PDK1: variants seen among roughly 807,000 people sequenced by gnomAD.
PDK1 encodes [Pyruvate dehydrogenase (acetyl-transferring)] kinase isozyme 1, mitochondrial.
A neutral mutation model predicts 54.2 loss-of-function variants in PDK1; 39 were observed. The observed-to-expected ratio is 0.72, with a 90% CI of 0.56 to 0.94. The LOEUF (loss-of-function observed/expected upper bound fraction) is 0.94. Among genes scored for constraint, PDK1 ranks in the 40% least tolerant of loss-of-function variants. The pLI is 0.00. For missense variants in PDK1, 552 were observed against 566.0 expected (o/e 0.98, Z 0.25); for synonymous variants, 221 against 207.1 (o/e 1.07, Z -0.58).
chr2:172,556,432 C>G (rs1002568348), intron 1 of PDK1, 86 bp downstream of exon 1: 5 of 993,342 alleles, frequency 5.0e-6, no homozygotes, highest in African/African-American at 1.7e-5. Flanking sequence ...TCGGCGCCGG[C>G]CAGCTCTCGC....
At chr2:172,624,369 T>C in the PDK1 span, among the ~76,000 whole-genome samples, 16 of 152,088 alleles carry the variant, frequency 1.1e-4, no homozygotes, top group Admixed American at 5.9e-4. Flanking sequence ...CTGCCTAAGC[T>C]CTGCCTCCTA....
downstream of PDK1, among the ~76,000 whole-genome samples, chr2:172,610,425 G>T (rs553062265): frequency 9.1e-4 from 138 of 152,084 alleles, 1 homozygote; most frequent in Admixed American, 9.0e-3. Flanking sequence ...ATGGTGGGGG[G>T]GCTCCTCCCT....
the PDK1 span, among the ~76,000 whole-genome samples, chr2:172,616,964 T>C: frequency 2.6e-5 from 4 of 152,180 alleles, no homozygotes; most frequent in African/African-American, 9.6e-5. Context: ...ATTTTATTTA[T>C]TTTTGGACAG....
chr2:172,709,091 G>A, the PDK1 span, among the ~76,000 whole-genome samples: 6 of 152,144 alleles, frequency 3.9e-5, no homozygotes, highest in South Asian at 2.1e-4. Context: ...ACCTTTGCAG[G>A]TATAATGATG....
the PDK1 span, among the ~76,000 whole-genome samples, chr2:172,669,290 G>T: frequency 6.6e-6 from 1 of 151,552 alleles, no homozygotes. Context: ...CCTGTGATCC[G>T]CCCGCCTTGG....
At chr2:172,632,167 T>C in the PDK1 span, among the ~76,000 whole-genome samples, 2 of 151,894 alleles carry the variant, frequency 1.3e-5, no homozygotes, top group African/African-American at 4.8e-5. Context: ...ATAGGGAGGC[T>C]GAGGCAGGAG....
At chr2:172,571,834 T>G (rs1689282211) in intron 8 of PDK1, among the ~76,000 whole-genome samples, 2 of 133,578 alleles carry the variant, frequency 1.5e-5, no homozygotes, top group African/African-American at 5.7e-5. Context: ...TTTTTTTTTT[T>G]TTTTTTTTTT....
the PDK1 span, among the ~76,000 whole-genome samples, chr2:172,634,772 CAAA>C: frequency 3.0e-3 from 385 of 129,656 alleles, 1 homozygote; most frequent in East Asian, 6.3e-3. Flanking sequence ...TCTTAAAATG[CAAA>C]AAAAAAAAAA....
chr2:172,579,490 C>G (rs946792675), intron 8 of PDK1, among the ~76,000 whole-genome samples: 2 of 148,182 alleles, frequency 1.3e-5, no homozygotes, highest in Non-Finnish European at 3.0e-5. Flanking sequence ...AAAGTAGATT[C>G]TAAATGATTT....
chr2:172,573,527 A>G (rs1298600651), intron 8 of PDK1, among the ~76,000 whole-genome samples: 1 of 151,312 alleles, frequency 6.6e-6, no homozygotes, highest in Non-Finnish European at 1.5e-5. Context: ...ACACACATAC[A>G]TATACATATA....
chr2:172,664,587 C>A, the PDK1 span, among the ~76,000 whole-genome samples: 1 of 152,002 alleles, frequency 6.6e-6, no homozygotes, highest in East Asian at 1.9e-4. Context: ...ATAAAGTTAT[C>A]TTGAATTATA....
At chr2:172,559,263 A>G (rs2149188978) in intron 2 of PDK1, among the ~76,000 whole-genome samples, 1 of 152,250 alleles carries the variant, frequency 6.6e-6, no homozygotes, top group African/African-American at 2.4e-5. Flanking sequence ...TTAAGGTAGT[A>G]GCAGTATTCT....
chr2:172,589,109 T>C (rs1271094470), intron 9 of PDK1, among the ~76,000 whole-genome samples: 1 of 152,162 alleles, frequency 6.6e-6, no homozygotes, highest in Non-Finnish European at 1.5e-5. Context: ...GGGGAAGCCC[T>C]ATGAGTCAGC....
At chr2:172,702,861 T>C in the PDK1 span, among the ~76,000 whole-genome samples, 1 of 152,336 alleles carries the variant, frequency 6.6e-6, no homozygotes, top group South Asian at 2.1e-4. Context: ...CTCTTGGCAA[T>C]ACCTTTTCTG....
the PDK1 span, among the ~76,000 whole-genome samples, chr2:172,693,222 T>C: frequency 6.6e-6 from 1 of 152,264 alleles, no homozygotes; most frequent in Admixed American, 6.5e-5. Context: ...AGTCAGAATG[T>C]CCATATGCCC....
intron 1 of PDK1, among the ~76,000 whole-genome samples, chr2:172,557,220 G>C (rs1489288022): frequency 6.6e-6 from 1 of 152,206 alleles, no homozygotes; most frequent in African/African-American, 2.4e-5. Context: ...AATGACCCTA[G>C]TTCGAGGAAG....
intron 9 of PDK1, among the ~76,000 whole-genome samples, chr2:172,589,235 C>T (rs551820573): frequency 6.6e-6 from 1 of 152,316 alleles, no homozygotes; most frequent in South Asian, 2.1e-4. Flanking sequence ...TAATGTATCG[C>T]TCAGAGTCAC....
At chr2:172,690,386 C>T in the PDK1 span, among the ~76,000 whole-genome samples, 1 of 150,352 alleles carries the variant, frequency 6.7e-6, no homozygotes, top group African/African-American at 2.4e-5. Context: ...AATTGGAACA[C>T]TTTTACACTG....
the PDK1 span, among the ~76,000 whole-genome samples, chr2:172,710,460 T>C: frequency 6.6e-6 from 1 of 152,262 alleles, no homozygotes; most frequent in Non-Finnish European, 1.5e-5. Flanking sequence ...TATTTTTTCA[T>C]TTCCTTATAC....
Sources: gnomAD v4.1 joint callset for allele counts (sites outside exome capture counted in the v4.1 genomes callset) on GRCh38, gnomAD v4.1.1 for gene constraint, MANE v1.5 for transcripts, NCBI Gene and HGNC (gene_info 2026-07-23, HGNC 2026-07-21) for gene names.